Variants in VWF observed in about 807,000 individuals in gnomAD.
The protein encoded by VWF is von Willebrand factor.
In VWF, 176 loss-of-function variants were observed where a neutral mutation model predicts 308.6. The ratio of observed to expected loss-of-function variants is 0.57; its 90% CI spans 0.50 to 0.65. VWF has a LOEUF of 0.65. Ranked by LOEUF, VWF falls within the 30% of genes least tolerant of loss-of-function variation. The pLI, the probability that VWF is intolerant of heterozygous loss-of-function variation, is 0.00. For missense variants in VWF, 3,146 were observed against 3,648.2 expected (o/e 0.86, Z 3.55); for synonymous variants, 1,385 against 1,443.4 (o/e 0.96, Z 0.92).
intron 14 of VWF, 85 bp from the exon 15 acceptor site, chr12:6,057,157 CCCAG>C: frequency 7.8e-7 from 1 of 1,277,050 alleles, no homozygotes; most frequent in Non-Finnish European, 1.1e-6. Flanking sequence ...CTGGAAATAG[CCCAG>C]TGCTGCTAAT....
chr12:5,999,179 G>C (rs976760901), intron 34 of VWF, among the ~76,000 whole-genome samples: 5 of 152,184 alleles, frequency 3.3e-5, no homozygotes, highest in Non-Finnish European at 5.9e-5. Flanking sequence ...AGAGTGGGCA[G>C]CAAGCCTAAA....
intron 5 of VWF, among the ~76,000 whole-genome samples, chr12:6,108,335 A>C (rs1460705514): frequency 5.4e-5 from 1 of 18,494 alleles, no homozygotes; most frequent in Non-Finnish European, 1.4e-4. Context: ...AGAAATATAT[A>C]CACACACACA....
chr12:6,074,501 A>G (rs1368852548), intron 7 of VWF, among the ~76,000 whole-genome samples: 1 of 151,620 alleles, frequency 6.6e-6, no homozygotes, highest in Admixed American at 6.6e-5. Context: ...AAAAAAAAAA[A>G]AAAAAAAAAC....
intron 31 of VWF, among the ~76,000 whole-genome samples, chr12:6,015,293 T>C (rs1465701244): frequency 2.0e-5 from 3 of 152,172 alleles, no homozygotes. Flanking sequence ...ATGTTACAAA[T>C]ACAATACAAT....
chr12:6,076,913 G>A (rs1263543642), intron 6 of VWF, among the ~76,000 whole-genome samples: 3 of 152,180 alleles, frequency 2.0e-5, no homozygotes, highest in African/African-American at 4.8e-5. Context: ...AATCCAGTCC[G>A]GCAGCACAGG....
chr12:6,040,968 T>C (rs1944390378), intron 18 of VWF, among the ~76,000 whole-genome samples: 1 of 152,126 alleles, frequency 6.6e-6, no homozygotes, highest in Admixed American at 6.5e-5. Flanking sequence ...CTGCTCAAAG[T>C]GCATTCCCTG....
rs145969221 is a variant in VWF, at chr12:5,977,402, A to T, written c.7288-1142T>A. Among the ~76,000 whole-genome samples, 147 of 152,274 alleles carry T rather than the reference A, an allele frequency of 9.7e-4. 3 individuals carry two copies. The highest frequency in any genetic ancestry group is 3.4e-3 in the African/African-American group (143 of 41,556). On this transcript the variant is annotated intron_variant, in intron 42 of 51. Transcript: ENST00000261405. The stretch of plus-strand genomic sequence containing the variant: ...TGCAATGGAGTACTATGCAGCTATA[A>T]GAAAGAATAAGGCAGATCTCTACAC...
At chr12:6,061,052 T>G (rs564095333) in intron 13 of VWF, among the ~76,000 whole-genome samples, 1 of 152,106 alleles carries the variant, frequency 6.6e-6, no homozygotes, top group East Asian at 1.9e-4. Context: ...AATACAAAAA[T>G]TAGCTGGGCA....
chr12:6,042,455 G>A (rs920261100), intron 18 of VWF, among the ~76,000 whole-genome samples: 4 of 152,226 alleles, frequency 2.6e-5, no homozygotes, highest in Non-Finnish European at 5.9e-5. Context: ...GTCCCGTGCT[G>A]CAGGCGGCAC....
chr12:6,017,807 A>T (rs1193264541), intron 28 of VWF, among the ~76,000 whole-genome samples: 1 of 152,196 alleles, frequency 6.6e-6, no homozygotes, highest in Non-Finnish European at 1.5e-5. Context: ...ATTTGCCCAA[A>T]ATTACCCAGC....
rs1431094402 is a variant in VWF at position 6,025,654 on chromosome 12, T to C, written c.3148A>G (p.Ile1050Val). ...DSSPATCHNN[I>V]MKQTMVDSSC... The stretch of plus-strand genomic sequence containing the variant: ...GAATCCACCATCGTCTGCTTCATGA[T>C]GTTGTTATGGCAGGTGGCAGGGGAT... Residue 1050 changes from isoleucine to valine, a missense_variant, in exon 24 of 52, where the codon ATC becomes GTC. By Grantham distance (29) the Ile-to-Val change is conservative (BLOSUM62 3). Coordinates refer to ENST00000261405, the MANE Select transcript of VWF (RefSeq NM_000552.5). 2 of 1,578,770 alleles carry C rather than the reference T, an allele frequency of 1.3e-6. No individual in the cohort carries two copies. Among genetic ancestry groups the C allele is most frequent in the South Asian group, 1.1e-5 (1 of 89,790 alleles).
chr12:6,068,963 C>T (rs900160521), intron 10 of VWF, among the ~76,000 whole-genome samples: 2 of 151,632 alleles, frequency 1.3e-5, no homozygotes, highest in African/African-American at 4.9e-5. Context: ...CTCAAGCGAT[C>T]CCCCCATCTC....
chr12:5,983,297 G>GTTACTCTT lies in VWF; in HGVS notation c.6977-51_6977-44dup, dbSNP rs757762828. The GTTACTCTT allele has an allele frequency of 6.3e-6, 10 of 1,591,624 alleles. No homozygotes were observed. In the Admixed American group the frequency reaches 8.6e-5, roughly 14 times the overall value. Reference sequence around the variant, plus strand: ...AGACGTCCATGCAGAGTTCAGAAAGGTTACTCTTTTATTACCTGTGAGTGG... The same window carrying GTTACTCTT: ...AGACGTCCATGCAGAGTTCAGAAAGGTTACTCTTTTACTCTTTTATTACCTGTGAGTGG... On this transcript the variant is annotated intron_variant, in intron 40 of 51. Coordinates refer to ENST00000261405, the MANE Select transcript of VWF (RefSeq NM_000552.5).
intron 5 of VWF, among the ~76,000 whole-genome samples, chr12:6,107,417 C>T (rs1336522613): frequency 6.6e-6 from 1 of 152,104 alleles, no homozygotes; most frequent in Non-Finnish European, 1.5e-5. Context: ...AAATTAACCT[C>T]AATAAATCTG....
intron 34 of VWF, among the ~76,000 whole-genome samples, chr12:6,001,331 C>G (rs935773716): frequency 6.6e-6 from 1 of 152,084 alleles, no homozygotes; most frequent in Admixed American, 6.5e-5. Context: ...AACTTGTCTA[C>G]TAAAACAAAA....
Position 6,019,354 on chromosome 12 carries a change from G to A in VWF, c.4064C>T (p.Ala1355Val), listed in dbSNP as rs1329838691. 2 of 1,613,804 alleles carry A rather than the reference G, an allele frequency of 1.2e-6. No homozygotes were observed. Among genetic ancestry groups the A allele is most frequent in the African/African-American group, 1.3e-5 (1 of 74,908 alleles). ...GTATTTCAAGACCTCGCTGGTGGAG[G>A]CCACCTGGCTGCCCGCATACTTCAC... The part of the protein sequence containing the change: ...SQVKYAGSQV[A>V]STSEVLKYTL... The change falls in exon 28 of 52, where the codon GCC becomes GTC. Residue 1355 changes from alanine (A) to valine (V), a missense_variant. Ala to Val is a moderately conservative substitution (Grantham distance 64). Around this residue, in one of 3 missense-constraint regions of VWF, gnomAD observed 853 missense variants for 1,177.8 expected, o/e 0.72. Coordinates refer to ENST00000261405, the MANE Select transcript of VWF (RefSeq NM_000552.5). The surrounding 1 kb of genome is among the most constrained non-coding windows in gnomAD (Gnocchi z 5.8).
intron 47 of VWF, among the ~76,000 whole-genome samples, chr12:5,959,561 A>G (rs544589177): frequency 5.9e-5 from 9 of 152,320 alleles, no homozygotes; most frequent in Non-Finnish European, 1.0e-4. Flanking sequence ...AAGACAGACC[A>G]AATTGTGGGC....
At chr12:5,968,378 G>C (rs1036518617) in intron 45 of VWF, among the ~76,000 whole-genome samples, 4 of 152,152 alleles carry the variant, frequency 2.6e-5, no homozygotes, top group Non-Finnish European at 4.4e-5. Flanking sequence ...ACAATGAGAA[G>C]AGCCCCGTAC....
At chr12:6,016,893 G>A (rs1191105325) in intron 28 of VWF, 23 bp from the exon 29 acceptor site, 6 of 1,611,042 alleles carry the variant, frequency 3.7e-6, no homozygotes, top group Non-Finnish European at 5.1e-6. Context: ...CCAGGAAGGT[G>A]AGCACACAGG....
Sources: gnomAD v4.1 joint callset for allele counts (sites outside exome capture counted in the v4.1 genomes callset) on GRCh38, gnomAD v4.1.1 for gene constraint, gnomAD v4.1.1 regional missense constraint, Gnocchi (gnomAD v3.1) non-coding constraint, MANE v1.5 for transcripts, NCBI Gene and HGNC (gene_info 2026-07-23, HGNC 2026-07-21) for gene names.